Variants in SYNDIG1 observed in about 807,000 individuals in gnomAD.
SYNDIG1 encodes the protein synapse differentiation-inducing gene protein 1.
A neutral mutation model predicts 19.4 loss-of-function variants in SYNDIG1; 9 were observed. The observed-to-expected ratio is 0.46, with a 90% CI of 0.28 to 0.81. SYNDIG1 has a LOEUF of 0.81. SYNDIG1 is among the 30% of genes least tolerant of loss of function. SYNDIG1 has a pLI of 0.12. For missense variants in SYNDIG1, 311 were observed against 343.3 expected (o/e 0.91, Z 0.74); for synonymous variants, 141 against 145.9 (o/e 0.97, Z 0.24).
chr20:24,469,885 GC>G (rs1208765041), intron 1 of SYNDIG1, 132 bp downstream of exon 1: 2 of 152,066 alleles, frequency 1.3e-5, no homozygotes, highest in East Asian at 3.9e-4. Context: ...TCCTGGCTCC[GC>G]CTCGGAGCGC....
At chr20:24,559,548 C>T (rs565266843) in intron 2 of SYNDIG1, among the ~76,000 whole-genome samples, 7 of 152,326 alleles carry the variant, frequency 4.6e-5, no homozygotes, top group African/African-American at 1.4e-4. Context: ...GTTACCCTCA[C>T]TCATATTTAC....
chr20:24,626,210 C>T (rs1450034615), intron 3 of SYNDIG1, among the ~76,000 whole-genome samples: 18 of 101,466 alleles, frequency 1.8e-4, no homozygotes, highest in African/African-American at 5.7e-4. Flanking sequence ...GCTGGCCTGG[C>T]GGGGGCTGAC....
intron 2 of SYNDIG1, among the ~76,000 whole-genome samples, chr20:24,546,304 G>T (rs542941074): frequency 1.3e-5 from 2 of 152,144 alleles, no homozygotes; most frequent in Non-Finnish European, 2.9e-5. Flanking sequence ...ATAATAAAGG[G>T]TCATGTATTG....
chr20:24,489,361 G>C (rs77568939), intron 1 of SYNDIG1, among the ~76,000 whole-genome samples: 5,830 of 150,200 alleles, frequency 0.039, 335 homozygotes, highest in African/African-American at 0.14. Context: ...CAAGATACAT[G>C]CATGCACACA....
intron 1 of SYNDIG1, among the ~76,000 whole-genome samples, chr20:24,512,618 G>A (rs186989698): frequency 7.2e-5 from 11 of 152,272 alleles, no homozygotes; most frequent in Non-Finnish European, 1.6e-4. Context: ...GCTGAGGCTT[G>A]AGTAGGTAAA....
chr20:24,591,079 CGTGTGT>C (rs55725848), intron 3 of SYNDIG1, among the ~76,000 whole-genome samples: 4,596 of 149,088 alleles, frequency 0.031, 212 homozygotes, highest in African/African-American at 0.1. Flanking sequence ...TTTACACCTT[CGTGTGT>C]GTGTGTGTGT....
intron 1 of SYNDIG1, chr20:24,495,857 A>T (rs553241138): frequency 6.6e-6 from 1 of 151,998 alleles, no homozygotes; most frequent in Non-Finnish European, 1.5e-5. Context: ...TTATTTATTT[A>T]TTTTTGATAT....
At chr20:24,628,943 T>G (rs1194984564) in intron 3 of SYNDIG1, among the ~76,000 whole-genome samples, 2 of 152,208 alleles carry the variant, frequency 1.3e-5, no homozygotes, top group Non-Finnish European at 2.9e-5. Context: ...ATATGGATTC[T>G]AAGATCTAGA....
intron 2 of SYNDIG1, among the ~76,000 whole-genome samples, chr20:24,555,096 G>T (rs2057786424): frequency 6.6e-6 from 1 of 152,174 alleles, no homozygotes; most frequent in South Asian, 2.1e-4. Context: ...TTGTGTAGAG[G>T]TGTTTGTAGT....
In SYNDIG1 at chr20:24,525,345, A is replaced by G. The variant is rs367789461; in HGVS notation, c.-78-17675A>G. Among the ~76,000 whole-genome samples the G allele has an allele frequency of 7.9e-5, 11 of 139,614 alleles. 1 individual carries two copies. In the East Asian group the frequency reaches 1.3e-3, roughly 16 times the overall value. 91.6% of individuals were successfully genotyped at this position (139,614 alleles called of 152,430 possible). On this transcript the variant is annotated intron_variant, in intron 1 of 3. Transcript: ENST00000376862. Reference sequence around the variant, plus strand: ...CTTACTCTGTGGCCCAAGCTGGAGTACAGTGGCACGATCTTGGCTCACTGC... The same window carrying G: ...CTTACTCTGTGGCCCAAGCTGGAGTGCAGTGGCACGATCTTGGCTCACTGC...
chr20:24,651,772 A>G (rs1050493507), intron 3 of SYNDIG1, among the ~76,000 whole-genome samples: 5 of 152,172 alleles, frequency 3.3e-5, no homozygotes, highest in Admixed American at 2.6e-4. Context: ...AGCAGAAGTG[A>G]TGTTCTGAGT....
intron 2 of SYNDIG1, among the ~76,000 whole-genome samples, chr20:24,569,249 C>T (rs1326957029): frequency 6.6e-6 from 1 of 152,136 alleles, no homozygotes; most frequent in Non-Finnish European, 1.5e-5. Context: ...TATTCAAATC[C>T]AGGCAGCGTG....
chr20:24,625,570 C>G (rs1365768132), intron 3 of SYNDIG1, among the ~76,000 whole-genome samples: 4 of 151,832 alleles, frequency 2.6e-5, no homozygotes, highest in Non-Finnish European at 4.4e-5. Flanking sequence ...TGACTCTTAA[C>G]GAGCATGCTG....
intron 2 of SYNDIG1, among the ~76,000 whole-genome samples, chr20:24,560,342 C>T (rs1600628740): frequency 6.6e-6 from 1 of 152,074 alleles, no homozygotes; most frequent in East Asian, 1.9e-4. Context: ...CTCAATATTC[C>T]TCCACAGATA....
intron 1 of SYNDIG1, among the ~76,000 whole-genome samples, chr20:24,505,310 G>A (rs2146414438): frequency 6.6e-6 from 1 of 152,310 alleles, no homozygotes; most frequent in South Asian, 2.1e-4. Context: ...TCAAGGAGAA[G>A]GAAGATGCCC....
intron 2 of SYNDIG1, 86 bp downstream of exon 2, chr20:24,543,663 G>T (rs539145897): frequency 8.5e-6 from 13 of 1,527,502 alleles, no homozygotes; most frequent in Non-Finnish European, 1.1e-5. Context: ...CCTGGCAAAA[G>T]TTAGGGAATG....
chr20:24,550,464 G>T (rs1418847000), intron 2 of SYNDIG1, among the ~76,000 whole-genome samples: 2 of 150,926 alleles, frequency 1.3e-5, no homozygotes, highest in Non-Finnish European at 2.9e-5. Flanking sequence ...TTTCTTTGTT[G>T]TCCTTTATTT....
rs6049714 is a variant in SYNDIG1 at position 24,472,471 on chromosome 20, G to A, written c.-79+2718G>A. ...TTATTTTTCTCATTAATTTTAAATC[G>A]TATTTTCTAGGGAGTTATTACTATT... is the stretch of plus-strand genomic sequence containing the variant. On this transcript the variant is annotated intron_variant, in intron 1 of 3. Coordinates refer to ENST00000376862, the MANE Select transcript of SYNDIG1 (RefSeq NM_024893.3). Among the ~76,000 whole-genome samples, 371 of 152,216 alleles carry A rather than the reference G, an allele frequency of 2.4e-3. 6 individuals carry two copies. The highest frequency in any genetic ancestry group is 7.4e-3 in the African/African-American group (307 of 41,530).
At chr20:24,580,115 G>A (rs745447484) in intron 2 of SYNDIG1, among the ~76,000 whole-genome samples, 2 of 152,128 alleles carry the variant, frequency 1.3e-5, no homozygotes, top group African/African-American at 4.8e-5. Context: ...AGACTCCTTC[G>A]CAATGTTTTC....
Sources: gnomAD v4.1 joint callset for allele counts (sites outside exome capture counted in the v4.1 genomes callset) on GRCh38, gnomAD v4.1.1 for gene constraint, MANE v1.5 for transcripts, NCBI Gene and HGNC (gene_info 2026-07-23, HGNC 2026-07-21) for gene names.